MANBA: variants seen among roughly 807,000 people sequenced by gnomAD.
MANBA encodes beta-mannosidase.
In MANBA, 83 loss-of-function variants were observed where a neutral mutation model predicts 111.1. The observed-to-expected ratio is 0.75, with a 90% confidence interval of 0.63 to 0.90. The LOEUF (loss-of-function observed/expected upper bound fraction) is 0.90, where lower values mean the gene tolerates loss of function less well. Ranked by LOEUF, MANBA falls within the 40% of genes least tolerant of loss-of-function variation. The pLI is 0.00. For synonymous variants in MANBA, 370 were observed against 378.7 expected, an observed-to-expected ratio of 0.98 and a Z score of 0.27; for missense variants, 1,036 against 1,069.0, an observed-to-expected ratio of 0.97 and a Z score of 0.43.
intron 1 of MANBA, chr4:102,727,782 G>A (rs528523777): frequency 4.4e-6 from 3 of 686,022 alleles, no homozygotes; most frequent in East Asian, 2.6e-5. Flanking sequence ...GGCATTTCTT[G>A]CAGTGGTGCT....
At chr4:102,653,232 A>G (rs1254335537) in intron 12 of MANBA, among the ~76,000 whole-genome samples, 1 of 38,938 alleles carries the variant, frequency 2.6e-5, no homozygotes, top group Non-Finnish European at 6.1e-5. Context: ...ACACACACAC[A>G]CACACACACA....
At chr4:102,734,211 G>T (rs1723127036) in intron 1 of MANBA, 5 of 665,330 alleles carry the variant, frequency 7.5e-6, no homozygotes, top group Non-Finnish European at 9.9e-6. Context: ...GAGGTAGGAG[G>T]TTATGTGAGA....
intron 12 of MANBA, among the ~76,000 whole-genome samples, chr4:102,651,275 C>T (rs991268485): frequency 3.3e-5 from 5 of 151,788 alleles, no homozygotes; most frequent in Non-Finnish European, 7.4e-5. Flanking sequence ...AGACACAAAC[C>T]AAATAATGTT....
At chr4:102,636,923 G>C (rs1729657608) in intron 14 of MANBA, among the ~76,000 whole-genome samples, 1 of 152,036 alleles carries the variant, frequency 6.6e-6, no homozygotes, top group Admixed American at 6.5e-5. Flanking sequence ...TGTGTTGTAG[G>C]AGGGACCTGG....
intron 10 of MANBA, chr4:102,667,010 A>T (rs1259791261): frequency 2.0e-5 from 3 of 152,204 alleles, no homozygotes. Flanking sequence ...TGAACTCTAG[A>T]TTTTAACACA....
chr4:102,743,906 A>G (rs905318178), intron 1 of MANBA, among the ~76,000 whole-genome samples: 5 of 152,220 alleles, frequency 3.3e-5, no homozygotes, highest in Non-Finnish European at 7.3e-5. Context: ...CTCTGCCATG[A>G]TTCAGCTATG....
intron 7 of MANBA, among the ~76,000 whole-genome samples, chr4:102,681,007 G>A (rs563121787): frequency 6.6e-6 from 1 of 152,158 alleles, no homozygotes; most frequent in Non-Finnish European, 1.5e-5. Flanking sequence ...CCAGAGTGCT[G>A]TCAAAAAGAA....
chr4:102,760,568 C>T (rs1385202733), intron 1 of MANBA, 150 bp downstream of exon 1: 3 of 899,464 alleles, frequency 3.3e-6, no homozygotes, highest in Non-Finnish European at 4.9e-6. Flanking sequence ...TTGGGCATTT[C>T]CCCCCGCAGA....
rs575027392 is a variant in MANBA at position 102,696,447 on chromosome 4, G to A, written c.674-5676C>T. 2.1e-3 allele frequency among the ~76,000 whole-genome samples: 318 copies of A among 152,218 alleles called. 1 individual carries two copies. Among genetic ancestry groups the A allele is most frequent in the African/African-American group, 7.4e-3 (306 of 41,530 alleles). On this transcript the variant is annotated intron_variant, in intron 5 of 16. Transcript: ENST00000647097. ...ACTACTGTCTGTAAAACCTTGACAGGCATTATAAATTATATCCCAATCCAA... is the reference window on the plus strand; with the variant it reads ...ACTACTGTCTGTAAAACCTTGACAGACATTATAAATTATATCCCAATCCAA...
chr4:102,736,934 T>A (rs913850376), intron 1 of MANBA, among the ~76,000 whole-genome samples: 1 of 152,066 alleles, frequency 6.6e-6, no homozygotes, highest in African/African-American at 2.4e-5. Flanking sequence ...CAAACACACA[T>A]CCCCTCTGGG....
chr4:102,738,580 T>C (rs1005210918), intron 1 of MANBA, among the ~76,000 whole-genome samples: 3 of 152,222 alleles, frequency 2.0e-5, no homozygotes, highest in African/African-American at 7.2e-5. Flanking sequence ...GAATACCCCA[T>C]GGGACAAAAC....
At chr4:102,649,407 C>T (rs1309569838) in intron 13 of MANBA, among the ~76,000 whole-genome samples, 1 of 152,182 alleles carries the variant, frequency 6.6e-6, no homozygotes, top group Non-Finnish European at 1.5e-5. Flanking sequence ...CGCTTCCTCA[C>T]CAGCAGTTGT....
rs981836646 is a variant in MANBA at position 102,690,829 on chromosome 4, T to C, written c.674-58A>G. The C allele has an allele frequency of 1.6e-5, 10 of 637,598 alleles. No individual in the cohort carries two copies. In the Admixed American group the frequency reaches 4.4e-4, roughly 28 times the overall value. 39.5% of individuals were successfully genotyped at this position (637,598 alleles called of 1,614,324 possible). On this transcript the variant is annotated intron_variant, in intron 5 of 16. Coordinates refer to ENST00000647097, the MANE Select transcript of MANBA (RefSeq NM_005908.4). ...TATATATATAATATGCTAAGCATTATCACTGCATTTCTCAGGATTCATTGA... is the reference window on the plus strand; with the variant it reads ...TATATATATAATATGCTAAGCATTACCACTGCATTTCTCAGGATTCATTGA...
At chr4:102,685,838 A>C (rs1732185042) in intron 7 of MANBA, among the ~76,000 whole-genome samples, 1 of 152,162 alleles carries the variant, frequency 6.6e-6, no homozygotes. Context: ...AGATCACTGC[A>C]CTGCACCCAG....
At chr4:102,689,978 C>A (rs1732402470) in intron 6 of MANBA, among the ~76,000 whole-genome samples, 1 of 152,070 alleles carries the variant, frequency 6.6e-6, no homozygotes, top group Non-Finnish European at 1.5e-5. Flanking sequence ...ACATTTATTC[C>A]ACATTCTTAA....
intron 4 of MANBA, among the ~76,000 whole-genome samples, chr4:102,720,588 G>A (rs1406579359): frequency 6.6e-6 from 1 of 151,234 alleles, no homozygotes; most frequent in African/African-American, 2.4e-5. Flanking sequence ...CTGGGCAACA[G>A]AGTCAGACTT....
chr4:102,720,835 T>C (rs1481532357), intron 4 of MANBA, among the ~76,000 whole-genome samples: 3 of 152,140 alleles, frequency 2.0e-5, no homozygotes, highest in African/African-American at 7.2e-5. Context: ...CAAGTTTAGG[T>C]AGGTTGAATC....
chr4:102,671,257 T>G, intron 9 of MANBA, 24 bp downstream of exon 9: 1 of 1,361,266 alleles, frequency 7.3e-7, no homozygotes, highest in South Asian at 1.2e-5. Context: ...CTTATCAATA[T>G]ATAAAATGCT....
At chr4:102,642,383 G>A (rs938439287) in intron 13 of MANBA, among the ~76,000 whole-genome samples, 1 of 152,180 alleles carries the variant, frequency 6.6e-6, no homozygotes, top group African/African-American at 2.4e-5. Flanking sequence ...TGGGGTGGGT[G>A]AATCACGAGG....
Sources: allele counts gnomAD v4.1 joint callset (sites outside exome capture counted in the v4.1 genomes callset), GRCh38; gene constraint gnomAD v4.1.1; transcripts MANE v1.5; gene names NCBI Gene and HGNC (gene_info 2026-07-23, HGNC 2026-07-21).